The following CDC42BPA variants were observed in gnomAD, a reference collection of about 807,000 sequenced individuals.
The protein encoded by CDC42BPA is serine/threonine-protein kinase MRCK alpha.
A neutral mutation model predicts 223.5 loss-of-function variants in CDC42BPA; 80 were observed. The observed-to-expected ratio is 0.36, with a 90% confidence interval of 0.30 to 0.43. CDC42BPA has a LOEUF of 0.43. Ranked by LOEUF, CDC42BPA falls within the 20% of genes least tolerant of loss-of-function variation. CDC42BPA has a pLI of 1.00. For synonymous variants in CDC42BPA, 694 were observed against 718.6 expected (o/e 0.97, Z 0.55); for missense variants, 1,743 against 2,099.9 (o/e 0.83, Z 3.32).
Position 227,246,520 on chromosome 1 carries a change from T to C in CDC42BPA, c.270+7544A>G, listed in dbSNP as rs183037481. ...ATCCCCAGAGTTCCAGGTGGCTCGATACAGAAAGAAAGACCCAATATGTTT... is the reference window on the plus strand; with the variant it reads ...ATCCCCAGAGTTCCAGGTGGCTCGACACAGAAAGAAAGACCCAATATGTTT... On this transcript the variant is annotated intron_variant, in intron 2 of 36. Transcript: ENST00000366766. 1.1e-4 allele frequency among the ~76,000 whole-genome samples: 17 copies of C among 152,166 alleles called. No homozygotes were observed. The East Asian group carries it at 1.6e-3, about 14-fold the overall frequency.
intron 4 of CDC42BPA, among the ~76,000 whole-genome samples, chr1:227,197,362 G>A (rs1670927048): frequency 6.6e-6 from 1 of 152,040 alleles, no homozygotes; most frequent in Admixed American, 6.6e-5. Flanking sequence ...AATATATGAT[G>A]AAGGCTCCCC....
At chr1:227,296,878 A>G (rs1690741186) in intron 1 of CDC42BPA, among the ~76,000 whole-genome samples, 1 of 152,154 alleles carries the variant, frequency 6.6e-6, no homozygotes, top group African/African-American at 2.4e-5. Flanking sequence ...GCACATTATC[A>G]AGAAAGTGAA....
chr1:227,091,152 GC>G (rs916004061), intron 16 of CDC42BPA, among the ~76,000 whole-genome samples: 9 of 152,144 alleles, frequency 5.9e-5, no homozygotes, highest in Non-Finnish European at 1.2e-4. Context: ...CCAAGGGACA[GC>G]CTTAACTTGG....
intron 14 of CDC42BPA, among the ~76,000 whole-genome samples, chr1:227,107,861 T>C (rs1686208292): frequency 6.6e-6 from 1 of 152,216 alleles, no homozygotes; most frequent in African/African-American, 2.4e-5. Flanking sequence ...ATCTAGGTTA[T>C]CTACTCTGTG....
intron 23 of CDC42BPA, among the ~76,000 whole-genome samples, chr1:227,047,059 T>C (rs1274408687): frequency 5.9e-5 from 9 of 152,106 alleles, no homozygotes; most frequent in Non-Finnish European, 2.9e-5. Context: ...TTGTCATATA[T>C]CTTAACTTTC....
At chr1:227,037,046 C>A (rs946085589) in intron 24 of CDC42BPA, among the ~76,000 whole-genome samples, 2 of 152,150 alleles carry the variant, frequency 1.3e-5, no homozygotes, top group African/African-American at 4.8e-5. Context: ...GAGAAGACCT[C>A]AAAAATTCCT....
At chr1:227,212,248 A>AT (rs1279613264) in intron 3 of CDC42BPA, among the ~76,000 whole-genome samples, 1 of 152,130 alleles carries the variant, frequency 6.6e-6, no homozygotes, top group Non-Finnish European at 1.5e-5. Context: ...CACTGCCACC[A>AT]TATCTGTCAT....
chr1:227,202,545 A>G (rs1322054601), intron 3 of CDC42BPA, among the ~76,000 whole-genome samples: 1 of 152,192 alleles, frequency 6.6e-6, no homozygotes, highest in Non-Finnish European at 1.5e-5. Flanking sequence ...AAAAAGCTCC[A>G]AAGACTTTAG....
intron 1 of CDC42BPA, among the ~76,000 whole-genome samples, chr1:227,282,121 G>C (rs1558947640): frequency 1.3e-5 from 2 of 149,528 alleles, no homozygotes; most frequent in Admixed American, 6.7e-5. Context: ...CCGGGAGGCA[G>C]AGGTTGTGGT....
chr1:227,120,269 G>A (rs1025845796), intron 11 of CDC42BPA, among the ~76,000 whole-genome samples: 1 of 152,058 alleles, frequency 6.6e-6, no homozygotes, highest in Admixed American at 6.6e-5. Context: ...AAAAGGGCAA[G>A]TTTTACTGCA....
At chr1:227,174,126 C>T (rs755506939) in intron 5 of CDC42BPA, among the ~76,000 whole-genome samples, 12 of 152,096 alleles carry the variant, frequency 7.9e-5, no homozygotes, top group Non-Finnish European at 1.2e-4. Context: ...TACAATGGTT[C>T]AAATTATGAT....
At chr1:227,256,231 A>G (rs948929511) in intron 1 of CDC42BPA, among the ~76,000 whole-genome samples, 1 of 152,188 alleles carries the variant, frequency 6.6e-6, no homozygotes, top group African/African-American at 2.4e-5. Context: ...AGAAAACCAA[A>G]TACCACATGT....
chr1:227,033,096 A>G (rs999462734), intron 27 of CDC42BPA, among the ~76,000 whole-genome samples: 5 of 152,192 alleles, frequency 3.3e-5, no homozygotes, highest in Non-Finnish European at 5.9e-5. Context: ...GAACTAAAAA[A>G]TATTATCTAC....
chr1:227,230,820 CT>C (rs1198828997), intron 2 of CDC42BPA, among the ~76,000 whole-genome samples: 2,466 of 91,418 alleles, frequency 0.027, 26 homozygotes, highest in Middle Eastern at 0.06. Flanking sequence ...TTCTTTCTTT[CT>C]TTTTTTTTTT....
chr1:227,197,399 G>T (rs1045501180), intron 4 of CDC42BPA, among the ~76,000 whole-genome samples: 1 of 152,108 alleles, frequency 6.6e-6, no homozygotes, highest in Non-Finnish European at 1.5e-5. Context: ...AGTTACAGGA[G>T]ATTTGACTAC....
At chr1:227,212,877 A>T (rs191519524) in intron 3 of CDC42BPA, among the ~76,000 whole-genome samples, 1 of 152,192 alleles carries the variant, frequency 6.6e-6, no homozygotes, top group Admixed American at 6.5e-5. Context: ...TAGTTTGCAG[A>T]CATCCTTTAA....
chr1:227,145,828 T>C, intron 7 of CDC42BPA, 91 bp from the exon 8 acceptor site: 1 of 951,212 alleles, frequency 1.1e-6, no homozygotes, highest in Non-Finnish European at 1.5e-6. Context: ...AAATACATTT[T>C]ATTTTAAATA....
At chr1:227,025,655 A>T (rs1668127586) in intron 31 of CDC42BPA, among the ~76,000 whole-genome samples, 2 of 152,138 alleles carry the variant, frequency 1.3e-5, no homozygotes, top group South Asian at 4.1e-4. Context: ...TCTAAGTTTA[A>T]TTACTTTTCT....
chr1:227,142,808 T>A, intron 9 of CDC42BPA, 137 bp downstream of exon 9: 1 of 408,264 alleles, frequency 2.4e-6, no homozygotes, highest in East Asian at 5.7e-5. Flanking sequence ...TTAGTAGAGA[T>A]GGGGTTTCAC....
Sources: allele counts gnomAD v4.1 joint callset (sites outside exome capture counted in the v4.1 genomes callset), GRCh38; gene constraint gnomAD v4.1.1; transcripts MANE v1.5; gene names NCBI Gene and HGNC (gene_info 2026-07-23, HGNC 2026-07-21).